The following SYNE1 variants were observed in gnomAD, a reference collection of about 807,000 sequenced individuals.
SYNE1 encodes the protein spectrin repeat containing nuclear envelope protein 1.
Under a neutral mutation model 1,111.0 loss-of-function variants are expected in SYNE1, and 616 were observed. That is an observed-to-expected ratio of 0.55 (90% CI 0.52 to 0.59). The LOEUF is 0.59. SYNE1 is among the 20% of genes least tolerant of loss of function. The probability of loss-of-function intolerance (pLI) is 0.00; values close to 1 mark genes in which losing one functional copy is unlikely to be tolerated. For synonymous variants in SYNE1, 3,855 were observed against 3,825.8 expected (o/e 1.01, Z -0.28); for missense variants, 10,006 against 10,417.0 (o/e 0.96, Z 1.72).
At chr6:152,433,561 C>T (rs1241199487) in intron 34 of SYNE1, 5 of 539,458 alleles carry the variant, frequency 9.3e-6, no homozygotes, top group Non-Finnish European at 9.9e-6. Context: ...TGATATTTCA[C>T]ACAATATTAA....
At chr6:152,413,214 G>A in intron 42 of SYNE1, 138 bp downstream of exon 42, 2 of 1,029,578 alleles carry the variant, frequency 1.9e-6, no homozygotes, top group East Asian at 5.0e-5. Context: ...AATTTTCAAT[G>A]TTATGAAAGT....
At chr6:152,280,933 T>C (rs953229807) in intron 97 of SYNE1, among the ~76,000 whole-genome samples, 27 of 152,112 alleles carry the variant, frequency 1.8e-4, no homozygotes, top group African/African-American at 6.3e-4. Context: ...CAAATAAGAA[T>C]AGCCAAAATG....
intron 36 of SYNE1, 69 bp from the exon 37 acceptor site, chr6:152,428,461 C>A: frequency 1.4e-6 from 2 of 1,469,644 alleles, no homozygotes; most frequent in Non-Finnish European, 1.9e-6. Context: ...TTCTTTGACA[C>A]CGATCATCGC....
intron 131 of SYNE1, among the ~76,000 whole-genome samples, chr6:152,160,383 A>G (rs1218583497): frequency 6.6e-6 from 1 of 152,154 alleles, no homozygotes; most frequent in East Asian, 1.9e-4. Context: ...CTCCTCCTGG[A>G]AACATCCCTC....
At chr6:152,237,645 G>GT (rs2084524646) in intron 108 of SYNE1, among the ~76,000 whole-genome samples, 1 of 152,100 alleles carries the variant, frequency 6.6e-6, no homozygotes. Flanking sequence ...CTTTACCACA[G>GT]TAAGGATTTA....
rs2092051280 is a variant in SYNE1, at chr6:152,261,913, G to T, written c.18972+119C>A. 7.1e-6 allele frequency: 5 copies of T among 706,864 alleles called. No homozygotes were observed. The Admixed American group carries it at 1.6e-4, about 23-fold the overall frequency. 43.8% of individuals were successfully genotyped at this position (706,864 alleles called of 1,614,324 possible). A position where few individuals can be genotyped will look rare whatever the true frequency, so the allele number is the denominator to read the frequency against. ...AAGAAAAATGTAGAGTGAAAAATTG[G>T]TGTCATGTCTTAGTTTGAAATTGAT... On this transcript the variant is annotated intron_variant, in intron 101 of 145. Coordinates refer to ENST00000367255, the MANE Select transcript of SYNE1 (RefSeq NM_182961.4).
At chr6:152,191,128 G>A (rs1324631175) in intron 127 of SYNE1, among the ~76,000 whole-genome samples, 5 of 152,014 alleles carry the variant, frequency 3.3e-5, no homozygotes, top group Admixed American at 3.3e-4. Flanking sequence ...ATTCCACTTG[G>A]TCATGATGAA....
At position 152,164,273 on chromosome 6, in the gene SYNE1, T is replaced by C. The variant is rs1157396059; in HGVS notation, c.23680A>G (p.Met7894Val). Residue 7894 changes from methionine to valine, a missense_variant, in exon 131 of 146, where the codon ATG (methionine) becomes GTG (valine). Met to Val is a conservative substitution (Grantham distance 21). Transcript: ENST00000367255. ...GCGAGCCAGGTCCTCAGGCTGCTCA[T>C]GTTCTTATCAAGCTGCTGCACGGCT... ...LVAVQQLDKNMSSLRTWLAHI... is the reference protein window; with the variant it reads ...LVAVQQLDKNVSSLRTWLAHI... The C allele has an allele frequency of 1.9e-6, 3 of 1,614,084 alleles. No individual in the cohort carries two copies. The highest frequency in any genetic ancestry group is 1.7e-5 in the Admixed American group (1 of 60,008).
chr6:152,492,166 G>A (rs563643734), intron 11 of SYNE1, among the ~76,000 whole-genome samples: 15 of 152,250 alleles, frequency 9.9e-5, no homozygotes, highest in Admixed American at 5.9e-4. Context: ...ATGCTTTGCC[G>A]CCCTAGACCC....
intron 127 of SYNE1, among the ~76,000 whole-genome samples, chr6:152,199,784 T>C (rs933575624): frequency 1.3e-5 from 2 of 152,236 alleles, no homozygotes; most frequent in Admixed American, 1.3e-4. Context: ...GATTTTAGCC[T>C]GAATTTTCCA....
chr6:152,355,014 AT>A (rs1405874454), intron 66 of SYNE1, 38 bp from the exon 67 acceptor site: 1 of 1,608,210 alleles, frequency 6.2e-7, no homozygotes, highest in Non-Finnish European at 8.5e-7. Context: ...TCTCAATCAT[AT>A]TTCACACTTG....
At chr6:152,235,042 A>T (rs971625633) in intron 110 of SYNE1, among the ~76,000 whole-genome samples, 1 of 152,096 alleles carries the variant, frequency 6.6e-6, no homozygotes, top group African/African-American at 2.4e-5. Flanking sequence ...ACTCTTTCAC[A>T]TTGATGCTAC....
intron 64 of SYNE1, among the ~76,000 whole-genome samples, chr6:152,359,692 T>C (rs2096899224): frequency 6.6e-6 from 1 of 151,882 alleles, no homozygotes; most frequent in Non-Finnish European, 1.5e-5. Flanking sequence ...AACATATGAA[T>C]TACCAATTAA....
Position 152,255,493 on chromosome 6 carries a change from T to C in SYNE1, c.19260+98A>G, listed in dbSNP as rs2090592898. The C allele has an allele frequency of 2.2e-6, 3 of 1,352,700 alleles. No individual in the cohort carries two copies. The Admixed American group carries it at 5.0e-5, about 23-fold the overall frequency. 83.8% of individuals were successfully genotyped at this position (1,352,700 alleles called of 1,614,324 possible). On this transcript the variant is annotated intron_variant, in intron 103 of 145. Coordinates refer to ENST00000367255, the MANE Select transcript of SYNE1 (RefSeq NM_182961.4). ...ATGTTCTGCATTATTAGAATTGTTT[T>C]ATGTTTGACTTTCTTTATGCATAAA... is the stretch of plus-strand genomic sequence containing the variant.
At chr6:152,545,868 A>G (rs952726164) in intron 3 of SYNE1, 1 of 152,226 alleles carries the variant, frequency 6.6e-6, no homozygotes, top group Admixed American at 6.5e-5. Flanking sequence ...AAAACAAATC[A>G]CACATTTAAA....
intron 3 of SYNE1, among the ~76,000 whole-genome samples, chr6:152,562,895 T>C (rs2099399601): frequency 6.6e-6 from 1 of 152,238 alleles, no homozygotes; most frequent in Non-Finnish European, 1.5e-5. Context: ...AAATGATGAA[T>C]GTAAATCAGT....
At chr6:152,299,509 G>A (rs1589563048) in intron 93 of SYNE1, among the ~76,000 whole-genome samples, 1 of 152,242 alleles carries the variant, frequency 6.6e-6, no homozygotes, top group Admixed American at 6.5e-5. Context: ...TTGCAGGTAG[G>A]GCCATGCTGA....
At chr6:152,503,961 C>CT (rs2099043749) in intron 9 of SYNE1, among the ~76,000 whole-genome samples, 1 of 151,856 alleles carries the variant, frequency 6.6e-6, no homozygotes, top group Non-Finnish European at 1.5e-5. Context: ...GGCTAAATAA[C>CT]TTTTTGAAGG....
intron 100 of SYNE1, among the ~76,000 whole-genome samples, chr6:152,266,849 G>A (rs540000440): frequency 6.6e-6 from 1 of 152,048 alleles, no homozygotes; most frequent in Non-Finnish European, 1.5e-5. Context: ...GTAACAGACT[G>A]TACGTAGTCA....
Sources: allele counts gnomAD v4.1 joint callset (sites outside exome capture counted in the v4.1 genomes callset), GRCh38; gene constraint gnomAD v4.1.1; transcripts MANE v1.5; gene names NCBI Gene and HGNC (gene_info 2026-07-23, HGNC 2026-07-21).